The following RANBP17 variants were observed in gnomAD, a reference collection of about 807,000 sequenced individuals.
The protein encoded by RANBP17 is ran-binding protein 17.
RANBP17 carries 158 observed loss-of-function variants against 141.2 expected under a neutral mutation model. The ratio of observed to expected loss-of-function variants is 1.12; its 90% confidence interval spans 0.98 to 1.28. The LOEUF (loss-of-function observed/expected upper bound fraction) is 1.28, where lower values mean the gene tolerates loss of function less well. RANBP17 is among the 50% of genes most tolerant of loss of function. The probability of loss-of-function intolerance (pLI) is 0.00; values close to 1 mark genes in which losing one functional copy is unlikely to be tolerated. For synonymous variants in RANBP17, 430 were observed against 450.0 expected (o/e 0.96, Z 0.56); for missense variants, 1,438 against 1,290.7 (o/e 1.11, Z -1.75).
Position 171,271,075 on chromosome 5 carries a change from C to CTTTTTTTTTTTTTTTTTTTTTTTTTTTT in RANBP17, c.2943+5244_2943+5271dup, listed in dbSNP as rs531200106. The CTTTTTTTTTTTTTTTTTTTTTTTTTTTT allele has an allele frequency of 2.5e-4, 7 of 27,560 alleles. 3 individuals are homozygous for CTTTTTTTTTTTTTTTTTTTTTTTTTTTT. Among genetic ancestry groups the CTTTTTTTTTTTTTTTTTTTTTTTTTTTT allele is most frequent in the African/African-American group, 3.4e-4 (2 of 5,932 alleles). 1.7% of individuals were successfully genotyped at this position (27,560 alleles called of 1,614,324 possible). ...TTTCTCCCTCCTTTTTATGTTATTT[C>CTTTTTTTTTTTTTTTTTTTTTTTTTTTT]TTTTTTTTTTTTTTTTTTTTTTTTT... is the stretch of plus-strand genomic sequence containing the variant. On this transcript the variant is annotated intron_variant, in intron 25 of 27. Transcript: ENST00000523189.
At chr5:171,164,819 T>G (rs984350481) in intron 14 of RANBP17, among the ~76,000 whole-genome samples, 1 of 152,258 alleles carries the variant, frequency 6.6e-6, no homozygotes. Flanking sequence ...CATGAAATTT[T>G]GAAGCAGTTC....
chr5:171,232,702 C>T (rs1346062087), intron 22 of RANBP17, among the ~76,000 whole-genome samples: 1 of 152,080 alleles, frequency 6.6e-6, no homozygotes, highest in Non-Finnish European at 1.5e-5. Context: ...TGTACATATA[C>T]ACATATTTTC....
intron 14 of RANBP17, among the ~76,000 whole-genome samples, chr5:171,079,357 G>T (rs992456623): frequency 2.6e-5 from 4 of 152,212 alleles, no homozygotes; most frequent in East Asian, 3.8e-4. Context: ...CGTGAACGTT[G>T]TTGAAATGAC....
intron 5 of RANBP17, chr5:170,903,886 A>G (rs1347306672): frequency 1.7e-5 from 9 of 517,600 alleles, no homozygotes; most frequent in African/African-American, 7.8e-5. Flanking sequence ...AATAAGGACC[A>G]TAATGAAATC....
At chr5:171,215,590 G>A (rs371678094) in intron 21 of RANBP17, among the ~76,000 whole-genome samples, 2 of 152,120 alleles carry the variant, frequency 1.3e-5, no homozygotes, top group African/African-American at 4.8e-5. Context: ...TTTAATGATC[G>A]CCATTCTAAT....
At chr5:171,039,973 A>T (rs559880517) in intron 14 of RANBP17, among the ~76,000 whole-genome samples, 12 of 152,244 alleles carry the variant, frequency 7.9e-5, no homozygotes, top group African/African-American at 2.4e-4. Flanking sequence ...AACTCTACCG[A>T]AACTATTCCA....
Position 171,155,813 on chromosome 5 carries a change from TG to T in RANBP17, c.1711-14316del, listed in dbSNP as rs1239472392. 5.9e-5 allele frequency among the ~76,000 whole-genome samples: 9 copies of T among 152,286 alleles called. No individual in the cohort carries two copies. The East Asian group carries it at 1.7e-3, about 29-fold the overall frequency. On this transcript the variant is annotated intron_variant, in intron 14 of 27. Coordinates refer to ENST00000523189, the MANE Select transcript of RANBP17 (RefSeq NM_022897.5). ...TGCATAATTAACAAAGTTGAAATTT[TG>T]TAAGTATGAATCATGCACAAAAGAG...
At chr5:171,280,436 C>A (rs112097155) in intron 25 of RANBP17, among the ~76,000 whole-genome samples, 33 of 152,264 alleles carry the variant, frequency 2.2e-4, no homozygotes, top group Non-Finnish European at 1.8e-4. Context: ...CATCACCACA[C>A]CCAGCTAATT....
At chr5:171,012,057 T>A (rs1780086152) in intron 14 of RANBP17, among the ~76,000 whole-genome samples, 1 of 126,430 alleles carries the variant, frequency 7.9e-6, no homozygotes, top group Non-Finnish European at 1.8e-5. Flanking sequence ...AATTATATTA[T>A]TTGTTTAAAC....
intron 24 of RANBP17, among the ~76,000 whole-genome samples, chr5:171,260,371 G>T (rs1766225983): frequency 6.7e-6 from 1 of 149,442 alleles, no homozygotes; most frequent in South Asian, 2.1e-4. Context: ...TCAGGAGGCT[G>T]AAGTAAGAAT....
At chr5:171,021,098 G>A (rs140007111) in intron 14 of RANBP17, among the ~76,000 whole-genome samples, 2,843 of 152,228 alleles carry the variant, frequency 0.019, 36 homozygotes, top group Non-Finnish European at 0.026. Flanking sequence ...TTGAATATTG[G>A]CCCCCACTCT....
At chr5:171,281,294 T>A (rs1767845985) in intron 25 of RANBP17, among the ~76,000 whole-genome samples, 1 of 152,212 alleles carries the variant, frequency 6.6e-6, no homozygotes, top group African/African-American at 2.4e-5. Flanking sequence ...TGAAGAGAAA[T>A]CTCTTAGGCA....
intron 19 of RANBP17, among the ~76,000 whole-genome samples, chr5:171,203,181 G>A (rs1762395304): frequency 6.6e-6 from 1 of 152,154 alleles, no homozygotes; most frequent in Non-Finnish European, 1.5e-5. Flanking sequence ...ACCAACTATA[G>A]GAGAGAGGCA....
At chr5:170,936,469 T>G (rs190954214) in intron 12 of RANBP17, among the ~76,000 whole-genome samples, 1 of 152,318 alleles carries the variant, frequency 6.6e-6, no homozygotes, top group East Asian at 1.9e-4. Flanking sequence ...ATTTAATTAT[T>G]ATTTCTTTGT....
intron 1 of RANBP17, 105 bp downstream of exon 1, chr5:170,862,156 G>A (rs1349199787): frequency 8.4e-7 from 1 of 1,191,708 alleles, no homozygotes; most frequent in Non-Finnish European, 1.1e-6. Flanking sequence ...CCGCAGGGCC[G>A]TGGGCCGGTG....
chr5:170,985,507 C>T (rs1267796902), intron 14 of RANBP17, among the ~76,000 whole-genome samples: 1 of 152,166 alleles, frequency 6.6e-6, no homozygotes, highest in Non-Finnish European at 1.5e-5. Context: ...ACAAGTTAAT[C>T]TTCAAAATTT....
At chr5:171,090,644 G>A (rs1177418309) in intron 14 of RANBP17, among the ~76,000 whole-genome samples, 1 of 107,752 alleles carries the variant, frequency 9.3e-6, no homozygotes, top group Non-Finnish European at 2.1e-5. Context: ...CAAGCCCAGA[G>A]GTTTAGGAGA....
intron 14 of RANBP17, among the ~76,000 whole-genome samples, chr5:171,147,784 C>G (rs997302545): frequency 6.6e-6 from 1 of 152,160 alleles, no homozygotes; most frequent in Non-Finnish European, 1.5e-5. Flanking sequence ...CAGCCCCCCG[C>G]CCGGCCAGCC....
At chr5:171,057,129 C>G (rs1045786080) in intron 14 of RANBP17, among the ~76,000 whole-genome samples, 1 of 152,100 alleles carries the variant, frequency 6.6e-6, no homozygotes, top group African/African-American at 2.4e-5. Flanking sequence ...TGTGAAAGAG[C>G]AGATCCATGC....
Sources: allele counts gnomAD v4.1 joint callset (sites outside exome capture counted in the v4.1 genomes callset), GRCh38; gene constraint gnomAD v4.1.1; transcripts MANE v1.5; gene names NCBI Gene and HGNC (gene_info 2026-07-23, HGNC 2026-07-21).